Variants in SLC4A4 observed in about 807,000 individuals in gnomAD.
The protein encoded by SLC4A4 is electrogenic sodium bicarbonate cotransporter 1.
In SLC4A4, 27 loss-of-function variants were observed where a neutral mutation model predicts 111.5. The ratio of observed to expected loss-of-function variants is 0.24; its 90% CI spans 0.18 to 0.33. The LOEUF (loss-of-function observed/expected upper bound fraction) is 0.33, where lower values mean the gene tolerates loss of function less well. SLC4A4 is among the 10% of genes least tolerant of loss of function. The pLI is 1.00. For synonymous variants in SLC4A4, 443 were observed against 463.4 expected, an observed-to-expected ratio of 0.96 and a Z score of 0.57; for missense variants, 909 against 1,315.5, an observed-to-expected ratio of 0.69 and a Z score of 4.78.
chr4:71,087,169 C>T (rs1742203180), intron 1 of SLC4A4, among the ~76,000 whole-genome samples: 3 of 151,984 alleles, frequency 2.0e-5, no homozygotes, highest in Admixed American at 2.0e-4. Flanking sequence ...TCCATTTCTT[C>T]TAGATTTTCT....
chr4:71,519,329 A>G (rs975277303), intron 16 of SLC4A4, among the ~76,000 whole-genome samples: 3 of 152,186 alleles, frequency 2.0e-5, no homozygotes, highest in African/African-American at 7.2e-5. Flanking sequence ...CTCCCCTCAT[A>G]AGAGCCTAAG....
At chr4:71,342,474 T>G (rs1452453343) in intron 4 of SLC4A4, among the ~76,000 whole-genome samples, 3 of 152,204 alleles carry the variant, frequency 2.0e-5, no homozygotes, top group Non-Finnish European at 4.4e-5. Context: ...TTTCTGAGCT[T>G]GAATTTCTTT....
intron 13 of SLC4A4, among the ~76,000 whole-genome samples, chr4:71,470,971 TCTCAAAAGACA>T (rs1727815138): frequency 6.6e-6 from 1 of 152,008 alleles, no homozygotes; most frequent in South Asian, 2.1e-4. Flanking sequence ...AATGTTTATT[TCTCAAAAGACA>T]CCCTAACAGA....
intron 2 of SLC4A4, among the ~76,000 whole-genome samples, chr4:71,116,309 C>T (rs757002449): frequency 2.0e-5 from 3 of 152,162 alleles, no homozygotes; most frequent in Admixed American, 6.5e-5. Context: ...TTTGTCAACA[C>T]GTTTAAGTCC....
intron 7 of SLC4A4, among the ~76,000 whole-genome samples, chr4:71,435,456 A>G (rs766748426): frequency 6.6e-6 from 1 of 152,146 alleles, no homozygotes; most frequent in Non-Finnish European, 1.5e-5. Context: ...CATAAAATCC[A>G]TAAAAGAAAA....
chr4:71,345,322 C>T (rs537269545), intron 4 of SLC4A4, among the ~76,000 whole-genome samples: 7 of 152,022 alleles, frequency 4.6e-5, no homozygotes, highest in African/African-American at 1.7e-4. Context: ...TTTTCCCTGC[C>T]CAAATTCTTT....
intron 1 of SLC4A4, among the ~76,000 whole-genome samples, chr4:71,227,714 C>T (rs1262400207): frequency 6.6e-6 from 1 of 152,150 alleles, no homozygotes; most frequent in Non-Finnish European, 1.5e-5. Flanking sequence ...TGCCCGTCGC[C>T]ATCCTCTGTG....
chr4:71,527,895 C>T (rs1019305177), intron 16 of SLC4A4, among the ~76,000 whole-genome samples: 3 of 151,930 alleles, frequency 2.0e-5, no homozygotes, highest in Non-Finnish European at 2.9e-5. Context: ...TGAATGTAAT[C>T]ACTTAGGGAG....
At chr4:71,122,747 TC>T (rs954251241) in intron 2 of SLC4A4, among the ~76,000 whole-genome samples, 1 of 151,956 alleles carries the variant, frequency 6.6e-6, no homozygotes, top group Non-Finnish European at 1.5e-5. Flanking sequence ...TCCCAGACCA[TC>T]CCCCCTCGGC....
chr4:71,202,946 C>G (rs1012300734), intron 1 of SLC4A4, among the ~76,000 whole-genome samples: 10 of 148,118 alleles, frequency 6.8e-5, no homozygotes, highest in African/African-American at 2.6e-4. Context: ...TTATGTGAGC[C>G]AAGAACCTAA....
At chr4:71,194,845 T>C (rs1221254018) in intron 1 of SLC4A4, among the ~76,000 whole-genome samples, 1 of 152,226 alleles carries the variant, frequency 6.6e-6, no homozygotes. Context: ...CTGGAGCTTT[T>C]ATAGTACCTT....
chr4:71,446,790 C>T (rs1008025642), intron 8 of SLC4A4, among the ~76,000 whole-genome samples: 6 of 152,192 alleles, frequency 3.9e-5, no homozygotes, highest in Non-Finnish European at 7.3e-5. Flanking sequence ...ATTTATCCCA[C>T]GTCACCTTTT....
At chr4:71,200,263 T>G (rs1011756633) in intron 1 of SLC4A4, among the ~76,000 whole-genome samples, 16 of 152,092 alleles carry the variant, frequency 1.1e-4, no homozygotes, top group Admixed American at 1.0e-3. Flanking sequence ...ATTACAAGAG[T>G]GGCCTGTTTA....
At chr4:71,170,465 T>C (rs2148982040) in intron 2 of SLC4A4, among the ~76,000 whole-genome samples, 1 of 152,340 alleles carries the variant, frequency 6.6e-6, no homozygotes, top group Middle Eastern at 3.4e-3. Flanking sequence ...AAAAGATGAC[T>C]TTTACATGAC....
At position 71,349,909 on chromosome 4, in the gene SLC4A4, T is replaced by C. The variant is rs1410688609; in HGVS notation, c.390-3T>C. Reference sequence around the variant, plus strand: ...TTGCTCTTCACTAATCTCATCTTCCTAGGTGGATCAAGTTTGAAGAAAAAG... The same window carrying C: ...TTGCTCTTCACTAATCTCATCTTCCCAGGTGGATCAAGTTTGAAGAAAAAG... On this transcript the variant is annotated splice_region_variant and splice_polypyrimidine_tract_variant and intron_variant, in intron 4 of 25. Transcript: ENST00000264485. 3.1e-6 allele frequency: 5 copies of C among 1,614,018 alleles called. No individual in the cohort carries two copies. The highest frequency in any genetic ancestry group is 2.2e-5 in the South Asian group (2 of 91,082).
chr4:71,200,395 A>T (rs1030317422), intron 1 of SLC4A4, among the ~76,000 whole-genome samples: 1 of 152,190 alleles, frequency 6.6e-6, no homozygotes, highest in African/African-American at 2.4e-5. Context: ...AATGAGTTGC[A>T]CACATTTCTA....
chr4:71,384,614 C>T (rs375465532), intron 6 of SLC4A4, among the ~76,000 whole-genome samples: 34 of 138,876 alleles, frequency 2.4e-4, no homozygotes, highest in African/African-American at 7.1e-4. Flanking sequence ...CAAGCCTGGG[C>T]GGCACAGCAA....
intron 1 of SLC4A4, among the ~76,000 whole-genome samples, chr4:71,227,603 T>C (rs1188710314): frequency 6.6e-6 from 1 of 152,180 alleles, no homozygotes; most frequent in Non-Finnish European, 1.5e-5. Context: ...GTATCATCCC[T>C]TCTTCCCTTT....
intron 12 of SLC4A4, among the ~76,000 whole-genome samples, chr4:71,455,619 C>T (rs549224900): frequency 2.6e-5 from 4 of 152,300 alleles, no homozygotes; most frequent in South Asian, 4.1e-4. Context: ...AAGAACAAAA[C>T]TGTCTTCCGT....
Sources: gnomAD v4.1 joint callset for allele counts (sites outside exome capture counted in the v4.1 genomes callset) on GRCh38, gnomAD v4.1.1 for gene constraint, MANE v1.5 for transcripts, NCBI Gene and HGNC (gene_info 2026-07-23, HGNC 2026-07-21) for gene names.